Variants in SYNPR observed in about 807,000 individuals in gnomAD.
The protein encoded by SYNPR is synaptoporin.
Under a neutral mutation model 32.9 loss-of-function variants are expected in SYNPR, and 23 were observed. The observed-to-expected ratio is 0.70, with a 90% CI of 0.50 to 0.99. The LOEUF is 0.99. SYNPR is among the 50% of genes least tolerant of loss of function. SYNPR has a pLI of 0.00. For missense variants in SYNPR, 318 were observed against 349.3 expected (o/e 0.91, Z 0.71); for synonymous variants, 146 against 135.9 (o/e 1.07, Z -0.52).
At chr3:63,524,175 A>G (rs1486856257) in intron 3 of SYNPR, among the ~76,000 whole-genome samples, 1 of 152,206 alleles carries the variant, frequency 6.6e-6, no homozygotes, top group Non-Finnish European at 1.5e-5. Context: ...CTTGCTGTCA[A>G]TAAAAAGTAA....
chr3:63,452,280 G>A (rs1275594499), intron 2 of SYNPR, among the ~76,000 whole-genome samples: 1 of 152,130 alleles, frequency 6.6e-6, no homozygotes, highest in Non-Finnish European at 1.5e-5. Context: ...TCTAGTCGGG[G>A]GGACAGGCAA....
At chr3:63,234,906 G>A (rs1352995599) in intron 1 of SYNPR, among the ~76,000 whole-genome samples, 1 of 152,082 alleles carries the variant, frequency 6.6e-6, no homozygotes, top group Non-Finnish European at 1.5e-5. Context: ...TTTTTATTGG[G>A]ATAAGTATAG....
chr3:63,414,635 A>G (rs542504647), intron 2 of SYNPR, among the ~76,000 whole-genome samples: 1 of 152,360 alleles, frequency 6.6e-6, no homozygotes, highest in South Asian at 2.1e-4. Context: ...AATATTTTGA[A>G]TCAGTCAAGA....
chr3:63,233,321 T>A (rs1560163739), intron 1 of SYNPR, among the ~76,000 whole-genome samples: 1 of 152,210 alleles, frequency 6.6e-6, no homozygotes, highest in Admixed American at 6.5e-5. Flanking sequence ...AAATTCAAAT[T>A]CTCTTTTCTT....
chr3:63,438,202 A>G (rs1700117270), intron 2 of SYNPR, among the ~76,000 whole-genome samples: 1 of 152,086 alleles, frequency 6.6e-6, no homozygotes. Flanking sequence ...TGCTATTTTA[A>G]CTACCATTTT....
intron 2 of SYNPR, among the ~76,000 whole-genome samples, chr3:63,398,970 CAGTT>C (rs1469205659): frequency 2.0e-5 from 3 of 152,080 alleles, no homozygotes; most frequent in African/African-American, 7.2e-5. Context: ...AGCAGAAGGA[CAGTT>C]ACTGAAAAAG....
intron 2 of SYNPR, among the ~76,000 whole-genome samples, chr3:63,332,095 C>T (rs759780992): frequency 3.9e-5 from 6 of 152,204 alleles, no homozygotes; most frequent in Non-Finnish European, 8.8e-5. Flanking sequence ...CTGGAAAAAA[C>T]ATTTCAGAAG....
chr3:63,308,756 T>G (rs1038248153), intron 2 of SYNPR, among the ~76,000 whole-genome samples: 1 of 152,000 alleles, frequency 6.6e-6, no homozygotes, highest in African/African-American at 2.4e-5. Flanking sequence ...CTTCATCATA[T>G]GCTTTGAACA....
At chr3:63,335,449 A>G (rs1251021215) in intron 2 of SYNPR, among the ~76,000 whole-genome samples, 1 of 151,994 alleles carries the variant, frequency 6.6e-6, no homozygotes, top group Non-Finnish European at 1.5e-5. Context: ...GAAGAAAATC[A>G]GGGCCAATTG....
intron 3 of SYNPR, among the ~76,000 whole-genome samples, chr3:63,547,042 T>A (rs1487487266): frequency 1.3e-5 from 2 of 152,142 alleles, no homozygotes; most frequent in African/African-American, 4.8e-5. Flanking sequence ...CATCTCAATG[T>A]CCACTGACCT....
At chr3:63,579,808 C>T (rs1321537859) in intron 4 of SYNPR, among the ~76,000 whole-genome samples, 1 of 151,566 alleles carries the variant, frequency 6.6e-6, no homozygotes, top group Non-Finnish European at 1.5e-5. Flanking sequence ...CACACACACA[C>T]ACACACACAC....
intron 3 of SYNPR, among the ~76,000 whole-genome samples, chr3:63,517,488 C>A (rs1701822551): frequency 1.3e-5 from 2 of 152,030 alleles, no homozygotes; most frequent in Non-Finnish European, 2.9e-5. Context: ...GTATAGACAT[C>A]AATGATAGTA....
intron 2 of SYNPR, among the ~76,000 whole-genome samples, chr3:63,447,054 A>T (rs1327422628): frequency 2.6e-5 from 4 of 152,172 alleles, no homozygotes; most frequent in African/African-American, 9.6e-5. Flanking sequence ...GGGTGGTTTA[A>T]TCAGAAAGTG....
the SYNPR span, chr3:63,203,209 G>A: frequency 6.6e-6 from 1 of 151,504 alleles, no homozygotes; most frequent in Non-Finnish European, 1.5e-5. Flanking sequence ...GAAATATTAG[G>A]ATTCTAATCT....
chr3:63,462,381 C>T (rs916826348), intron 2 of SYNPR, among the ~76,000 whole-genome samples: 13 of 152,102 alleles, frequency 8.5e-5, no homozygotes, highest in Admixed American at 7.2e-4. Flanking sequence ...TACACAATGC[C>T]TCCTACTTTG....
At chr3:63,532,951 A>G (rs1190320373) in intron 3 of SYNPR, among the ~76,000 whole-genome samples, 1 of 152,176 alleles carries the variant, frequency 6.6e-6, no homozygotes. Context: ...AGTCCACTTG[A>G]AGTTTTATCT....
intron 2 of SYNPR, among the ~76,000 whole-genome samples, chr3:63,260,253 G>A (rs373937210): frequency 3.7e-4 from 57 of 152,218 alleles, no homozygotes; most frequent in African/African-American, 1.1e-3. Context: ...AAACGAGCCC[G>A]CATCGCCAAG....
chr3:63,345,759 T>C (rs1000170789), intron 2 of SYNPR, among the ~76,000 whole-genome samples: 3 of 152,108 alleles, frequency 2.0e-5, no homozygotes, highest in Admixed American at 6.5e-5. Context: ...TATTTAAAGA[T>C]GCATACCCTA....
upstream of SYNPR, among the ~76,000 whole-genome samples, chr3:63,223,919 T>C (rs1282929429): frequency 6.6e-6 from 1 of 152,238 alleles, no homozygotes; most frequent in Non-Finnish European, 1.5e-5. Context: ...TGTATCATAG[T>C]GCTTTGCTTG....
Sources: gnomAD v4.1 joint callset for allele counts (sites outside exome capture counted in the v4.1 genomes callset) on GRCh38, gnomAD v4.1.1 for gene constraint, MANE v1.5 for transcripts, NCBI Gene and HGNC (gene_info 2026-07-23, HGNC 2026-07-21) for gene names.